SYN3: variants seen among roughly 807,000 people sequenced by gnomAD.
The protein encoded by SYN3 is synapsin III.
SYN3 carries 35 observed loss-of-function variants against 65.8 expected under a neutral mutation model. The observed-to-expected ratio is 0.53, with a 90% CI of 0.41 to 0.70. SYN3 has a LOEUF of 0.70. SYN3 is among the 30% of genes least tolerant of loss of function. The probability of loss-of-function intolerance (pLI) is 0.00; values close to 1 mark genes in which losing one functional copy is unlikely to be tolerated. For missense variants in SYN3, 680 were observed against 749.0 expected (o/e 0.91, Z 1.08); for synonymous variants, 270 against 292.9 (o/e 0.92, Z 0.80).
intron 6 of SYN3, among the ~76,000 whole-genome samples, chr22:32,702,617 A>G (rs564739452): frequency 2.6e-5 from 4 of 152,332 alleles, no homozygotes; most frequent in South Asian, 2.1e-4. Flanking sequence ...TCCACTTAAC[A>G]TATGTTAACC....
intron 1 of SYN3, among the ~76,000 whole-genome samples, chr22:33,008,329 A>G (rs1321325504): frequency 6.6e-6 from 1 of 152,218 alleles, no homozygotes; most frequent in Admixed American, 6.5e-5. Context: ...ATATACTGGT[A>G]TAATGTTTAT....
In SYN3 at chr22:32,585,857, T is replaced by TGTATATATACGTATATAGACATATATAC. The variant is rs1196580654; in HGVS notation, c.774+10789_774+10816dup. 3.8e-4 allele frequency among the ~76,000 whole-genome samples: 57 copies of TGTATATATACGTATATAGACATATATAC among 151,732 alleles called. 1 individual carries two copies. The highest frequency in any genetic ancestry group is 8.3e-4 in the South Asian group (4 of 4,800). The stretch of plus-strand genomic sequence containing the variant: ...AAGATGGGCATGTGTGTCTTTTATA[T>TGTATATATACGTATATAGACATATATAC]GTATATATACGTATATAGACATATA... On this transcript the variant is annotated intron_variant, in intron 7 of 13. Coordinates refer to ENST00000358763, the MANE Select transcript of SYN3 (RefSeq NM_003490.4).
chr22:32,825,389 G>A (rs130291), intron 6 of SYN3, among the ~76,000 whole-genome samples: 67,796 of 151,718 alleles, frequency 0.45, 15,345 homozygotes, highest in African/African-American at 0.5. Flanking sequence ...AGCCAGGCAC[G>A]GTGGCTCACG....
chr22:32,753,631 C>A (rs2145671015), intron 6 of SYN3, among the ~76,000 whole-genome samples: 1 of 152,394 alleles, frequency 6.6e-6, no homozygotes, highest in East Asian at 1.9e-4. Context: ...TCTATGGAAT[C>A]TTTAAGAAGC....
At chr22:32,715,492 G>C (rs1336519766) in intron 6 of SYN3, among the ~76,000 whole-genome samples, 1 of 152,152 alleles carries the variant, frequency 6.6e-6, no homozygotes, top group Non-Finnish European at 1.5e-5. Context: ...TTTAAAAAGT[G>C]AAAGATGGCT....
At chr22:32,790,994 T>C (rs1014666897) in intron 6 of SYN3, among the ~76,000 whole-genome samples, 19 of 152,166 alleles carry the variant, frequency 1.2e-4, no homozygotes, top group Admixed American at 9.8e-4. Flanking sequence ...CACTAGAGTA[T>C]TCAGAGATAG....
At chr22:32,931,527 G>A in intron 3 of SYN3, 46 bp from the exon 4 acceptor site, 1 of 1,372,102 alleles carries the variant, frequency 7.3e-7, no homozygotes, top group Non-Finnish European at 1.0e-6. Flanking sequence ...AATACCAACG[G>A]TGGTAACAAC....
chr22:32,560,522 TC>T (rs1220652699), intron 7 of SYN3, among the ~76,000 whole-genome samples: 2 of 152,068 alleles, frequency 1.3e-5, no homozygotes, highest in African/African-American at 4.8e-5. Flanking sequence ...GCCTATCCTG[TC>T]GATTCCAGGC....
chr22:32,664,441 AT>A (rs1197810986), intron 6 of SYN3, among the ~76,000 whole-genome samples: 1 of 151,884 alleles, frequency 6.6e-6, no homozygotes, highest in Non-Finnish European at 1.5e-5. Context: ...AGCAGCATTT[AT>A]TTATTTATTT....
At chr22:32,787,061 T>C (rs1312347758) in intron 6 of SYN3, among the ~76,000 whole-genome samples, 15 of 128,076 alleles carry the variant, frequency 1.2e-4, no homozygotes, top group Admixed American at 7.8e-4. Flanking sequence ...TTCTTTTCTT[T>C]TTTTTTTTTT....
In SYN3 at chr22:32,541,619, T is replaced by A; in HGVS notation, c.869A>T (p.Lys290Met). ...AATTTTCTGGATGCGGATGTCGTAC[T>A]TGGAGTCGATGAAGGCCTCGGTGGT... The part of the protein sequence containing the change: ...YATTEAFIDS[K>M]YDIRIQKIGS... The change falls in exon 8 of 14, where the codon AAG (lysine) becomes ATG (methionine). Residue 290 changes from lysine (K) to methionine (M), a missense_variant. Coordinates refer to ENST00000358763, the MANE Select transcript of SYN3 (RefSeq NM_003490.4). 6.2e-7 allele frequency: 1 copy of A among 1,614,062 alleles called. No individual in the cohort carries two copies. The highest frequency in any genetic ancestry group is 1.7e-5 in the Admixed American group (1 of 60,018).
intron 3 of SYN3, among the ~76,000 whole-genome samples, chr22:32,971,401 G>A (rs1276027697): frequency 6.6e-6 from 1 of 152,192 alleles, no homozygotes; most frequent in East Asian, 1.9e-4. Context: ...GTCAGGGTAA[G>A]CCAAGCCAAA....
At position 32,594,278 on chromosome 22, in the gene SYN3, A is replaced by C. The variant is rs558344220; in HGVS notation, c.774+2396T>G. On this transcript the variant is annotated intron_variant, in intron 7 of 13. Transcript: ENST00000358763. ...CTCTGGGATACAGCAGTGGAAAACC[A>C]GGCAGAACTTCCTGCCCTCAAGGTG... Among the ~76,000 whole-genome samples, 31 of 152,302 alleles carry C rather than the reference A, an allele frequency of 2.0e-4. No homozygotes were observed. The South Asian group carries it at 2.1e-3, about 10-fold the overall frequency.
intron 2 of SYN3, among the ~76,000 whole-genome samples, chr22:32,993,691 G>T (rs748688973): frequency 6.6e-6 from 1 of 152,016 alleles, no homozygotes; most frequent in Admixed American, 6.6e-5. Flanking sequence ...AACACAGAGG[G>T]TGTAGATGGT....
intron 7 of SYN3, among the ~76,000 whole-genome samples, chr22:32,564,938 ACCCAAACAGTGCTCCTGGACTG>A: frequency 1.1e-5 from 1 of 91,464 alleles, no homozygotes; most frequent in Non-Finnish European, 2.3e-5. Flanking sequence ...CCCGGATTGT[ACCCAAACAGTGCTCCTGGACTG>A]CACCCAAACA....
At chr22:32,660,943 C>T (rs2060208504) in intron 6 of SYN3, among the ~76,000 whole-genome samples, 1 of 152,194 alleles carries the variant, frequency 6.6e-6, no homozygotes, top group Non-Finnish European at 1.5e-5. Flanking sequence ...ACTGAGAGTG[C>T]CGTTCAAGGT....
At chr22:32,999,226 G>A (rs1464747970) in intron 2 of SYN3, among the ~76,000 whole-genome samples, 1 of 152,182 alleles carries the variant, frequency 6.6e-6, no homozygotes, top group Non-Finnish European at 1.5e-5. Flanking sequence ...GGTGTGTCAG[G>A]GAAGAATTCT....
chr22:32,949,391 G>C (rs532770100), intron 3 of SYN3, among the ~76,000 whole-genome samples: 5 of 152,034 alleles, frequency 3.3e-5, no homozygotes, highest in Admixed American at 2.6e-4. Flanking sequence ...ACTCCGGCCT[G>C]GGAGACAGAG....
chr22:32,618,143 T>A (rs903723906), intron 6 of SYN3, among the ~76,000 whole-genome samples: 3 of 152,084 alleles, frequency 2.0e-5, no homozygotes, highest in African/African-American at 7.2e-5. Flanking sequence ...GGGCTCTCCC[T>A]AACCACTAAA....
Sources: gnomAD v4.1 joint callset for allele counts (sites outside exome capture counted in the v4.1 genomes callset) on GRCh38, gnomAD v4.1.1 for gene constraint, MANE v1.5 for transcripts, NCBI Gene and HGNC (gene_info 2026-07-23, HGNC 2026-07-21) for gene names.